NXPE4: variants seen among roughly 807,000 people sequenced by gnomAD.
NXPE4 encodes the protein NXPE family member 4.
Under a neutral mutation model 33.3 loss-of-function variants are expected in NXPE4, and 42 were observed. The ratio of observed to expected loss-of-function variants is 1.26; its 90% CI spans 0.98 to 1.63. The LOEUF is 1.63. Among genes scored for constraint, NXPE4 ranks in the 40% most tolerant of loss-of-function variants. The pLI is 0.00. For synonymous variants in NXPE4, 253 were observed against 234.9 expected (o/e 1.08, Z -0.71); for missense variants, 709 against 647.6 (o/e 1.09, Z -1.03).
the NXPE4 span, among the ~76,000 whole-genome samples, chr11:114,626,344 GCCT>G: frequency 7.1e-4 from 108 of 152,336 alleles, no homozygotes; most frequent in African/African-American, 2.3e-3. Context: ...TGGGCAGACT[GCCT>G]CCTCAAGTGG....
At chr11:114,593,266 A>C (rs1441821612) in intron 2 of NXPE4, among the ~76,000 whole-genome samples, 2 of 152,204 alleles carry the variant, frequency 1.3e-5, no homozygotes, top group Non-Finnish European at 2.9e-5. Flanking sequence ...AAATGTTTGC[A>C]AACTATCCAT....
chr11:114,588,151 G>A (rs1949351875), intron 2 of NXPE4, among the ~76,000 whole-genome samples: 1 of 152,122 alleles, frequency 6.6e-6, no homozygotes, highest in Non-Finnish European at 1.5e-5. Flanking sequence ...ATCTGAGGCA[G>A]CTATTGAGTG....
chr11:114,637,958 C>T, the NXPE4 span, among the ~76,000 whole-genome samples: 21,854 of 151,530 alleles, frequency 0.14, 1,999 homozygotes, highest in East Asian at 0.38. Context: ...TTGCTCTTCT[C>T]GAGGAGTATC....
chr11:114,625,308 A>G, the NXPE4 span, among the ~76,000 whole-genome samples: 9 of 152,082 alleles, frequency 5.9e-5, no homozygotes, highest in African/African-American at 2.4e-5. Flanking sequence ...TACCCAGTGG[A>G]TAATAAGTGT....
the NXPE4 span, among the ~76,000 whole-genome samples, chr11:114,643,389 G>C: frequency 6.6e-6 from 1 of 152,018 alleles, no homozygotes; most frequent in Non-Finnish European, 1.5e-5. Flanking sequence ...TATAGCTTTA[G>C]GTCTTACATT....
At chr11:114,654,342 AT>A in the NXPE4 span, among the ~76,000 whole-genome samples, 614 of 148,714 alleles carry the variant, frequency 4.1e-3, 4 homozygotes, top group South Asian at 0.032. Context: ...GATCCCAACT[AT>A]TTTTTTTTTA....
the NXPE4 span, among the ~76,000 whole-genome samples, chr11:114,604,167 C>T: frequency 1.3e-5 from 2 of 152,056 alleles, no homozygotes; most frequent in Admixed American, 6.6e-5. Flanking sequence ...AGTATTGCCT[C>T]GCAGTTAACT....
chr11:114,587,086 G>A (rs553808679), intron 2 of NXPE4, among the ~76,000 whole-genome samples: 5 of 152,176 alleles, frequency 3.3e-5, no homozygotes, highest in Admixed American at 2.6e-4. Flanking sequence ...GGCCCTTTGC[G>A]GAAACACTCT....
chr11:114,587,718 A>G (rs1451460955), intron 2 of NXPE4, among the ~76,000 whole-genome samples: 1 of 152,194 alleles, frequency 6.6e-6, no homozygotes, highest in African/African-American at 2.4e-5. Context: ...GGCCTTTCCA[A>G]AGGAAACGAA....
chr11:114,670,914 A>C, the NXPE4 span, among the ~76,000 whole-genome samples: 1 of 151,806 alleles, frequency 6.6e-6, no homozygotes, highest in African/African-American at 2.4e-5. Flanking sequence ...AAACCAAGTC[A>C]GACAAAGACT....
At chr11:114,589,401 G>A (rs1191994584) in intron 2 of NXPE4, among the ~76,000 whole-genome samples, 1 of 152,032 alleles carries the variant, frequency 6.6e-6, no homozygotes, top group Non-Finnish European at 1.5e-5. Context: ...CTATAATCGA[G>A]GCCTCCCCTT....
At chr11:114,645,849 G>A in the NXPE4 span, among the ~76,000 whole-genome samples, 2 of 152,154 alleles carry the variant, frequency 1.3e-5, no homozygotes, top group African/African-American at 4.8e-5. Context: ...CCAAATTTGA[G>A]AGTATAAAAA....
At chr11:114,633,163 T>G in the NXPE4 span, among the ~76,000 whole-genome samples, 1 of 128,972 alleles carries the variant, frequency 7.8e-6, no homozygotes, top group African/African-American at 3.0e-5. Flanking sequence ...TGGTATTTTA[T>G]TTTATATAAT....
the NXPE4 span, among the ~76,000 whole-genome samples, chr11:114,641,061 A>G: frequency 5.3e-5 from 8 of 152,074 alleles, no homozygotes; most frequent in Non-Finnish European, 1.2e-4. Flanking sequence ...AGAAAGAAGA[A>G]CCAGTTGAAG....
chr11:114,639,928 T>C, the NXPE4 span, among the ~76,000 whole-genome samples: 3 of 115,558 alleles, frequency 2.6e-5, no homozygotes, highest in Non-Finnish European at 4.8e-5. Flanking sequence ...TTATATTATA[T>C]ATTATATTAA....
At chr11:114,580,066 CT>C in intron 5 of NXPE4, 65 bp downstream of exon 5, 1 of 1,325,666 alleles carries the variant, frequency 7.5e-7, no homozygotes, top group South Asian at 1.2e-5. Context: ...ATATTCCCTT[CT>C]CCCCTTTGAA....
At chr11:114,637,782 A>T in the NXPE4 span, among the ~76,000 whole-genome samples, 1 of 151,898 alleles carries the variant, frequency 6.6e-6, no homozygotes, top group African/African-American at 2.4e-5. Context: ...AAGAATGTTG[A>T]ATATTGGCCC....
At chr11:114,610,123 T>C in the NXPE4 span, among the ~76,000 whole-genome samples, 10 of 151,798 alleles carry the variant, frequency 6.6e-5, no homozygotes, top group Admixed American at 6.6e-4. Flanking sequence ...GGTAACCCGT[T>C]ACCCCGTGGA....
intron 2 of NXPE4, among the ~76,000 whole-genome samples, chr11:114,587,923 G>A (rs1949345981): frequency 6.6e-6 from 1 of 152,144 alleles, no homozygotes; most frequent in South Asian, 2.1e-4. Context: ...GGCCTGCAGA[G>A]GGGAGCCTTA....
Sources: allele counts gnomAD v4.1 joint callset (sites outside exome capture counted in the v4.1 genomes callset), GRCh38; gene constraint gnomAD v4.1.1; transcripts MANE v1.5; gene names NCBI Gene and HGNC (gene_info 2026-07-23, HGNC 2026-07-21).